Variants in TANGO6 observed in about 807,000 individuals in gnomAD.
The protein encoded by TANGO6 is transport and golgi organization 6 homolog.
In TANGO6, 90 loss-of-function variants were observed where a neutral mutation model predicts 114.2. That is an observed-to-expected ratio of 0.79 (90% CI 0.66 to 0.94). The LOEUF (loss-of-function observed/expected upper bound fraction) is 0.94, where lower values mean the gene tolerates loss of function less well. TANGO6 is among the 40% of genes least tolerant of loss of function. The pLI is 0.00. For synonymous variants in TANGO6, 477 were observed against 509.8 expected, an observed-to-expected ratio of 0.94 and a Z score of 0.87; for missense variants, 1,274 against 1,315.3, an observed-to-expected ratio of 0.97 and a Z score of 0.49.
rs769969246 is a variant in TANGO6 at position 68,919,073 on chromosome 16, T to C, written c.1993-12T>C. The C allele has an allele frequency of 7.6e-5, 121 of 1,601,654 alleles. No individual in the cohort carries two copies. Among genetic ancestry groups the C allele is most frequent in the Non-Finnish European group, 9.7e-5 (114 of 1,173,604 alleles). ...CATTCCTCATTGATTCTCAATTCCC[T>C]TTTTTGGGTAGGTGGTGGACTTTGT... On this transcript the variant is annotated splice_polypyrimidine_tract_variant and intron_variant, in intron 11 of 17. Transcript: ENST00000261778.
intron 4 of TANGO6, among the ~76,000 whole-genome samples, chr16:68,868,945 G>A (rs139834536): frequency 4.5e-4 from 69 of 151,918 alleles, no homozygotes; most frequent in Non-Finnish European, 8.7e-4. Context: ...TCACATCTCC[G>A]TAATATATTT....
chr16:68,940,574 G>A (rs1295734607), intron 14 of TANGO6, among the ~76,000 whole-genome samples: 1 of 144,112 alleles, frequency 6.9e-6, no homozygotes, highest in Non-Finnish European at 1.5e-5. Context: ...ACTGGTTAGG[G>A]CATTGGACAG....
At chr16:68,892,196 G>A (rs1214267685) in intron 7 of TANGO6, among the ~76,000 whole-genome samples, 1 of 152,190 alleles carries the variant, frequency 6.6e-6, no homozygotes. Flanking sequence ...TAGACAAAGA[G>A]TTACAGTAGT....
chr16:69,030,462 C>T (rs1307901532), intron 16 of TANGO6, among the ~76,000 whole-genome samples: 1 of 151,926 alleles, frequency 6.6e-6, no homozygotes, highest in Non-Finnish European at 1.5e-5. Flanking sequence ...GCAGAGGGAG[C>T]AGCTGTGCAA....
intron 16 of TANGO6, chr16:69,036,061 A>AAT (rs1959681855): frequency 6.6e-6 from 1 of 151,986 alleles, no homozygotes; most frequent in African/African-American, 2.4e-5. Flanking sequence ...AAAAAAAAAA[A>AAT]AGAATGGATT....
intron 16 of TANGO6, among the ~76,000 whole-genome samples, chr16:69,023,770 C>T (rs1959452810): frequency 6.6e-6 from 1 of 152,056 alleles, no homozygotes; most frequent in African/African-American, 2.4e-5. Flanking sequence ...CCATATTTTG[C>T]TCAGCATTTC....
At chr16:69,064,198 C>A (rs775291753) in intron 17 of TANGO6, among the ~76,000 whole-genome samples, 18 of 152,108 alleles carry the variant, frequency 1.2e-4, no homozygotes, top group Non-Finnish European at 2.5e-4. Flanking sequence ...CCATGCCATG[C>A]GTATATTAGC....
At chr16:68,994,115 C>T (rs956129888) in intron 15 of TANGO6, among the ~76,000 whole-genome samples, 5 of 152,142 alleles carry the variant, frequency 3.3e-5, no homozygotes, top group African/African-American at 9.7e-5. Flanking sequence ...CTAGTTAATA[C>T]GTAACTATAG....
chr16:68,911,487 G>A (rs1304733638), intron 11 of TANGO6, among the ~76,000 whole-genome samples: 1 of 150,692 alleles, frequency 6.6e-6, no homozygotes, highest in Non-Finnish European at 1.5e-5. Flanking sequence ...TGCGATCTCG[G>A]CTCACTGCAA....
intron 1 of TANGO6, among the ~76,000 whole-genome samples, chr16:68,853,213 G>GT (rs1961933361): frequency 6.6e-6 from 1 of 150,666 alleles, no homozygotes; most frequent in Non-Finnish European, 1.5e-5. Context: ...AGGAGACAGG[G>GT]TTTGCAGTGA....
rs151098449 is a variant in TANGO6, at chr16:69,062,406, G to A, written c.3109-21079G>A. On this transcript the variant is annotated intron_variant, in intron 17 of 17. Transcript: ENST00000261778. ...TATTAGATTGTTAGTTTCCTGGGGA[G>A]CATCTTATTATTATTAGATTGTAAG... is the stretch of plus-strand genomic sequence containing the variant. 1.4e-4 allele frequency among the ~76,000 whole-genome samples: 22 copies of A among 152,196 alleles called. No homozygotes were observed. In the East Asian group the frequency reaches 3.1e-3, roughly 21 times the overall value.
At chr16:68,934,326 T>C (rs972120603) in intron 14 of TANGO6, among the ~76,000 whole-genome samples, 1 of 152,186 alleles carries the variant, frequency 6.6e-6, no homozygotes, top group Non-Finnish European at 1.5e-5. Flanking sequence ...ATTGCAGGCA[T>C]GAGCCACTGT....
intron 7 of TANGO6, among the ~76,000 whole-genome samples, chr16:68,888,236 C>T (rs1327441889): frequency 1.3e-5 from 2 of 152,184 alleles, no homozygotes; most frequent in East Asian, 3.9e-4. Context: ...TCCATTCTCT[C>T]CTTCTGCTCT....
At chr16:68,844,146 G>C (rs368855808) in intron 1 of TANGO6, among the ~76,000 whole-genome samples, 15 of 152,164 alleles carry the variant, frequency 9.9e-5, no homozygotes, top group Admixed American at 9.2e-4. Flanking sequence ...AAGAAGTCCA[G>C]ACATCGGAAG....
At chr16:68,850,799 T>C (rs1045265025) in intron 1 of TANGO6, among the ~76,000 whole-genome samples, 3 of 152,218 alleles carry the variant, frequency 2.0e-5, no homozygotes, top group Non-Finnish European at 4.4e-5. Flanking sequence ...TGGGCCAGAT[T>C]TGGACTGCAG....
At chr16:68,848,645 T>A (rs1961852631) in intron 1 of TANGO6, among the ~76,000 whole-genome samples, 1 of 152,146 alleles carries the variant, frequency 6.6e-6, no homozygotes, top group South Asian at 2.1e-4. Context: ...TCTGTGCATA[T>A]AAACACGAAT....
intron 17 of TANGO6, among the ~76,000 whole-genome samples, chr16:69,076,088 C>CTTTTTTTTTTTTTTTTT (rs34844519): frequency 2.3e-5 from 2 of 85,668 alleles, no homozygotes; most frequent in Non-Finnish European, 4.2e-5. Context: ...TATTTCATTT[C>CTTTTTTTTTTTTTTTTT]TTTTTTTTTT....
At chr16:69,057,514 A>G (rs1015932296) in intron 17 of TANGO6, among the ~76,000 whole-genome samples, 3 of 152,140 alleles carry the variant, frequency 2.0e-5, no homozygotes, top group African/African-American at 7.2e-5. Flanking sequence ...AACTTGTTCA[A>G]CAACTATTAA....
intron 14 of TANGO6, among the ~76,000 whole-genome samples, chr16:68,961,880 C>A (rs1255840843): frequency 1.3e-5 from 2 of 152,130 alleles, no homozygotes; most frequent in African/African-American, 4.8e-5. Flanking sequence ...AGCTCTAAGT[C>A]ACAAAGATAA....
Sources: gnomAD v4.1 joint callset for allele counts (sites outside exome capture counted in the v4.1 genomes callset) on GRCh38, gnomAD v4.1.1 for gene constraint, MANE v1.5 for transcripts, NCBI Gene and HGNC (gene_info 2026-07-23, HGNC 2026-07-21) for gene names.